UBE2D3: variants seen among roughly 807,000 people sequenced by gnomAD.
UBE2D3 encodes the protein ubiquitin conjugating enzyme E2 D3, also known as ubiquitin-conjugating enzyme E2 D3.
UBE2D3 carries 2 observed loss-of-function variants against 22.8 expected under a neutral mutation model. The observed-to-expected ratio is 0.09, with a 90% CI of 0.04 to 0.28. The LOEUF (loss-of-function observed/expected upper bound fraction) is 0.28, where lower values mean the gene tolerates loss of function less well. UBE2D3 is among the 10% of genes least tolerant of loss of function. UBE2D3 has a pLI of 1.00. For synonymous variants in UBE2D3, 56 were observed against 60.4 expected, an observed-to-expected ratio of 0.93 and a Z score of 0.34; for missense variants, 27 against 182.5, an observed-to-expected ratio of 0.15 and a Z score of 4.91.
chr4:102,811,969 C>G (rs1389663683), intron 2 of UBE2D3: 1 of 193,448 alleles, frequency 5.2e-6, no homozygotes, highest in African/African-American at 2.4e-5. Flanking sequence ...CAACTTATTC[C>G]CTATAACTAC....
At position 102,801,444 on chromosome 4, in the gene UBE2D3, A is replaced by T. The variant is rs767289363; in HGVS notation, c.304+10T>A. ...CAATGAGAACAGCTTATTTCACTAG[A>T]AATATTTACCTTTAGAAATTGTTAA... is the stretch of plus-strand genomic sequence containing the variant. On this transcript the variant is annotated intron_variant, in intron 6 of 7. Transcript: ENST00000453744. The T allele has an allele frequency of 6.3e-7, 1 of 1,595,814 alleles. No individual in the cohort carries two copies. Among genetic ancestry groups the T allele is most frequent in the East Asian group, 2.2e-5 (1 of 44,628 alleles).
At chr4:102,798,753 C>A (rs531145401) in intron 7 of UBE2D3, among the ~76,000 whole-genome samples, 1 of 151,320 alleles carries the variant, frequency 6.6e-6, no homozygotes, top group African/African-American at 2.4e-5. Flanking sequence ...CAAGCAATAA[C>A]GGCTACCAGA....
chr4:102,826,364 A>G (rs749137825), intron 2 of UBE2D3, 121 bp downstream of exon 2: 6 of 1,263,992 alleles, frequency 4.7e-6, no homozygotes, highest in African/African-American at 1.5e-5. Context: ...CCATCCCCCC[A>G]TGGAAGAAGT....
intron 2 of UBE2D3, among the ~76,000 whole-genome samples, chr4:102,817,592 T>C (rs1728956167): frequency 6.6e-6 from 1 of 152,192 alleles, no homozygotes; most frequent in Admixed American, 6.5e-5. Context: ...GCAAAGATAA[T>C]TTAATGTTTG....
intron 1 of UBE2D3, among the ~76,000 whole-genome samples, chr4:102,861,839 A>G (rs1732915090): frequency 6.6e-6 from 1 of 152,000 alleles, no homozygotes; most frequent in Non-Finnish European, 1.5e-5. Context: ...GTGGTATGTC[A>G]GTATACACTT....
chr4:102,849,222 G>C (rs959399996), intron 1 of UBE2D3, among the ~76,000 whole-genome samples: 1 of 151,264 alleles, frequency 6.6e-6, no homozygotes, highest in Non-Finnish European at 1.5e-5. Context: ...AAACTAGCTG[G>C]GTGTGGTGGC....
chr4:102,839,410 TACAGCCGCTTGCCGCC>T (rs1731616517), intron 1 of UBE2D3, among the ~76,000 whole-genome samples: 1 of 152,122 alleles, frequency 6.6e-6, no homozygotes, highest in Non-Finnish European at 1.5e-5. Flanking sequence ...GAGCTAGGAC[TACAGCCGCTTGCCGCC>T]ACACCCAGCT....
intron 1 of UBE2D3, chr4:102,827,154 C>A: frequency 1.0e-6 from 1 of 986,932 alleles, no homozygotes; most frequent in Non-Finnish European, 1.2e-6. Flanking sequence ...TACACTCACT[C>A]CGCCTTCCAG....
chr4:102,808,866 T>C (rs1186226342), intron 4 of UBE2D3, among the ~76,000 whole-genome samples: 8 of 152,298 alleles, frequency 5.3e-5, no homozygotes, highest in African/African-American at 1.9e-4. Flanking sequence ...AAGAGCATTT[T>C]TTCCTTTAGA....
chr4:102,825,139 G>A (rs1168934526), intron 2 of UBE2D3: 2 of 550,080 alleles, frequency 3.6e-6, no homozygotes, highest in Non-Finnish European at 4.6e-6. Flanking sequence ...ACAGGCAAAT[G>A]TAGTATCAGG....
chr4:102,827,099 G>A (rs1730659987), intron 1 of UBE2D3: 2 of 987,388 alleles, frequency 2.0e-6, no homozygotes, highest in South Asian at 4.5e-5. Context: ...GATGTGTATT[G>A]CTATCCTCGC....
At chr4:102,827,400 G>GCCCGGGCCGGCCTCCCTTCCCTT (rs1350933787) in intron 1 of UBE2D3, 27 bp downstream of exon 1, 1 of 986,164 alleles carries the variant, frequency 1.0e-6, no homozygotes, top group Non-Finnish European at 1.2e-6. Context: ...TCCCTTCCCT[G>GCCCGGGCCGGCCTCCCTTCCCTT]CCCTAGCCGT....
chr4:102,800,942 A>C (rs186810477), intron 6 of UBE2D3, among the ~76,000 whole-genome samples: 2 of 152,136 alleles, frequency 1.3e-5, no homozygotes, highest in African/African-American at 4.8e-5. Flanking sequence ...TGATCTACAG[A>C]TCTTTCGAAG....
At chr4:102,819,069 G>T (rs773205839) in intron 2 of UBE2D3, among the ~76,000 whole-genome samples, 2 of 152,132 alleles carry the variant, frequency 1.3e-5, no homozygotes, top group Non-Finnish European at 2.9e-5. Flanking sequence ...GGTGGCTCAC[G>T]CTTGTAATCC....
At chr4:102,822,038 CAA>C (rs1277553478) in intron 2 of UBE2D3, among the ~76,000 whole-genome samples, 2 of 152,168 alleles carry the variant, frequency 1.3e-5, no homozygotes, top group African/African-American at 4.8e-5. Flanking sequence ...GGAGAATCCT[CAA>C]AGATTGCCTG....
intron 2 of UBE2D3, chr4:102,812,898 T>A (rs1234781557): frequency 6.6e-6 from 1 of 152,200 alleles, no homozygotes; most frequent in African/African-American, 2.4e-5. Flanking sequence ...TATAGTATTA[T>A]AGACTACAGT....
intron 6 of UBE2D3, 149 bp from the exon 7 acceptor site, chr4:102,799,649 G>A (rs1366553400): frequency 6.8e-6 from 4 of 592,208 alleles, no homozygotes; most frequent in Non-Finnish European, 1.2e-5. Flanking sequence ...CAGAGATTTT[G>A]TTTCACAGAA....
chr4:102,839,098 T>C (rs1159567541), intron 1 of UBE2D3, among the ~76,000 whole-genome samples: 1 of 152,198 alleles, frequency 6.6e-6, no homozygotes, highest in East Asian at 1.9e-4. Flanking sequence ...GTATAAAAGA[T>C]AAATCTACAG....
chr4:102,802,249 T>C, intron 5 of UBE2D3: 1 of 216,948 alleles, frequency 4.6e-6, no homozygotes, highest in Non-Finnish European at 9.0e-6. Flanking sequence ...AAATTGAAGT[T>C]GGACATTTGA....
Sources: gnomAD v4.1 joint callset for allele counts (sites outside exome capture counted in the v4.1 genomes callset) on GRCh38, gnomAD v4.1.1 for gene constraint, MANE v1.5 for transcripts, NCBI Gene and HGNC (gene_info 2026-07-23, HGNC 2026-07-21) for gene names.